SYTL2: variants seen among roughly 807,000 people sequenced by gnomAD.
SYTL2 encodes synaptotagmin-like protein 2.
Under a neutral mutation model 198.7 loss-of-function variants are expected in SYTL2, and 165 were observed. The ratio of observed to expected loss-of-function variants is 0.83; its 90% confidence interval spans 0.73 to 0.94. SYTL2 has a LOEUF of 0.94. Ranked by LOEUF, SYTL2 falls within the 40% of genes least tolerant of loss-of-function variation. SYTL2 has a pLI of 0.00. For synonymous variants in SYTL2, 966 were observed against 917.7 expected (o/e 1.05, Z -0.95); for missense variants, 2,835 against 2,582.8 (o/e 1.10, Z -2.12).
intron 3 of SYTL2, among the ~76,000 whole-genome samples, chr11:85,746,849 T>C (rs769131164): frequency 5.9e-5 from 9 of 152,216 alleles, no homozygotes; most frequent in Admixed American, 4.6e-4. Context: ...TTCAGAAATA[T>C]TTTGAAATCC....
At chr11:85,730,421 A>G (rs2089681101) in intron 7 of SYTL2, among the ~76,000 whole-genome samples, 1 of 152,200 alleles carries the variant, frequency 6.6e-6, no homozygotes, top group Non-Finnish European at 1.5e-5. Context: ...CATCCCTGGG[A>G]TGAAAGGCTG....
chr11:85,853,525 GA>G, the SYTL2 span: 1 of 235,210 alleles, frequency 4.3e-6, no homozygotes, highest in Non-Finnish European at 8.7e-6. Flanking sequence ...AAACACTGCG[GA>G]AGGCCACAGG....
chr11:85,831,468 G>A, the SYTL2 span, among the ~76,000 whole-genome samples: 1 of 152,110 alleles, frequency 6.6e-6, no homozygotes, highest in African/African-American at 2.4e-5. Context: ...TCAAGTTGAA[G>A]CCAAATAATG....
chr11:85,784,987 G>A lies in SYTL2; in HGVS notation c.-390+25967C>T, dbSNP rs113018295. On this transcript the variant is annotated intron_variant, in intron 1 of 19. Coordinates refer to ENST00000359152, the MANE Select transcript of SYTL2 (RefSeq NM_206927.4). ...ATCAGCACTTGCATGTATTTAATGC[G>A]GTATCTTCTTATTTGGGTATTATTT... Among the ~76,000 whole-genome samples, 488 of 152,136 alleles carry A rather than the reference G, an allele frequency of 3.2e-3. 4 individuals are homozygous for A. The highest frequency in any genetic ancestry group is 0.011 in the African/African-American group (467 of 41,492).
At chr11:85,803,571 T>A (rs2092920275) in intron 1 of SYTL2, among the ~76,000 whole-genome samples, 1 of 152,234 alleles carries the variant, frequency 6.6e-6, no homozygotes, top group Non-Finnish European at 1.5e-5. Flanking sequence ...CTAGGTTTTC[T>A]GGAACAGTCC....
intron 1 of SYTL2, among the ~76,000 whole-genome samples, chr11:85,802,398 T>A (rs1241411358): frequency 6.6e-6 from 1 of 152,058 alleles, no homozygotes; most frequent in Admixed American, 6.6e-5. Context: ...CCCAAAGTGC[T>A]AGGATTACAG....
Position 85,775,728 on chromosome 11 carries a change from G to A in SYTL2, c.-389-17614C>T, listed in dbSNP as rs147691912. 1.6e-4 allele frequency among the ~76,000 whole-genome samples: 24 copies of A among 152,216 alleles called. No homozygotes were observed. In the East Asian group the frequency reaches 3.9e-3, roughly 24 times the overall value. ...ACTCCTGACCTCAAGTAATCTGCCC[G>A]CCTCAGCCTCCCAAAGTGCTAGGAT... On this transcript the variant is annotated intron_variant, in intron 1 of 19. Transcript: ENST00000359152.
chr11:85,740,187 T>A (rs1290355417), intron 4 of SYTL2, among the ~76,000 whole-genome samples: 1 of 152,186 alleles, frequency 6.6e-6, no homozygotes, highest in South Asian at 2.1e-4. Flanking sequence ...TCTGCCCCAA[T>A]ATACTTCCCA....
At chr11:85,758,528 G>A (rs1229421363) in intron 1 of SYTL2, among the ~76,000 whole-genome samples, 1 of 152,196 alleles carries the variant, frequency 6.6e-6, no homozygotes, top group East Asian at 1.9e-4. Flanking sequence ...ATATTCCACT[G>A]TACTATATAT....
At position 85,789,376 on chromosome 11, in the gene SYTL2, A is replaced by ATATATG. The variant is rs1566026431; in HGVS notation, c.-390+21577_-390+21578insCATATA. ...TATATATATATATATATATATATAT[A>ATATATG]TGTATATATATATATATATATATAA... On this transcript the variant is annotated intron_variant, in intron 1 of 19. Coordinates refer to ENST00000359152, the MANE Select transcript of SYTL2 (RefSeq NM_206927.4). Among the ~76,000 whole-genome samples, 3 of 43,454 alleles carry ATATATG rather than the reference A, an allele frequency of 6.9e-5. 1 individual carries two copies. The highest frequency in any genetic ancestry group is 3.2e-4 in the Admixed American group (1 of 3,174). 28.5% of individuals were successfully genotyped at this position (43,454 alleles called of 152,430 possible).
intron 13 of SYTL2, 94 bp downstream of exon 13, chr11:85,711,017 AAT>A (rs2086172242): frequency 7.4e-7 from 1 of 1,343,666 alleles, no homozygotes; most frequent in Non-Finnish European, 1.0e-6. Flanking sequence ...TGCCCTGAGA[AAT>A]ACAGGAGGAG....
the SYTL2 span, among the ~76,000 whole-genome samples, chr11:85,846,732 C>CTTT: frequency 7.7e-6 from 1 of 130,200 alleles, no homozygotes; most frequent in Admixed American, 8.0e-5. Context: ...CAGGTTGAAA[C>CTTT]TATTTTTTTT....
chr11:85,719,169 A>G (rs1181776533), intron 9 of SYTL2: 1 of 1,342,904 alleles, frequency 7.4e-7, no homozygotes, highest in Non-Finnish European at 9.7e-7. Context: ...ATTCTTCTGT[A>G]AAGGGTATGA....
intron 1 of SYTL2, among the ~76,000 whole-genome samples, chr11:85,787,686 T>G (rs1386230807): frequency 1.6e-5 from 2 of 121,714 alleles, no homozygotes; most frequent in African/African-American, 5.5e-5. Flanking sequence ...CTTTTTTCTG[T>G]TTTTTTTTCT....
At chr11:85,821,975 C>CCCTGGCCATTTCCAT in the SYTL2 span, among the ~76,000 whole-genome samples, 2 of 152,190 alleles carry the variant, frequency 1.3e-5, no homozygotes, top group African/African-American at 4.8e-5. Context: ...GCCATTTCCA[C>CCCTGGCCATTTCCAT]CCTTAGTTGG....
chr11:85,779,588 GTTC>G (rs2092522331), intron 1 of SYTL2, among the ~76,000 whole-genome samples: 1 of 150,258 alleles, frequency 6.7e-6, no homozygotes, highest in Admixed American at 6.6e-5. Flanking sequence ...AATTTCAAAT[GTTC>G]ATTTCAAAAG....
At chr11:85,740,819 C>T (rs1012294465) in intron 4 of SYTL2, among the ~76,000 whole-genome samples, 56 of 152,140 alleles carry the variant, frequency 3.7e-4, no homozygotes, top group African/African-American at 1.3e-3. Flanking sequence ...CAGGGTGCCC[C>T]TCCTAAAAGC....
At chr11:85,754,643 A>G (rs1246485124) in intron 2 of SYTL2, among the ~76,000 whole-genome samples, 1 of 152,192 alleles carries the variant, frequency 6.6e-6, no homozygotes, top group African/African-American at 2.4e-5. Context: ...CTTCCTAAAA[A>G]TTATTTTACT....
intron 1 of SYTL2, among the ~76,000 whole-genome samples, chr11:85,777,812 C>CTTTTTTTT (rs57873368): frequency 0.041 from 2,594 of 63,174 alleles, 196 homozygotes; most frequent in Non-Finnish European, 0.052. Context: ...GGTCTTACTT[C>CTTTTTTTT]TTTTTTTTTT....
Sources: gnomAD v4.1 joint callset for allele counts (sites outside exome capture counted in the v4.1 genomes callset) on GRCh38, gnomAD v4.1.1 for gene constraint, MANE v1.5 for transcripts, NCBI Gene and HGNC (gene_info 2026-07-23, HGNC 2026-07-21) for gene names.